OBSL1: variants seen among roughly 807,000 people sequenced by gnomAD.
OBSL1 encodes obscurin like cytoskeletal adaptor 1.
In OBSL1, 160 loss-of-function variants were observed where a neutral mutation model predicts 172.0. The ratio of observed to expected loss-of-function variants is 0.93; its 90% CI spans 0.82 to 1.06. The LOEUF is 1.06. Ranked by LOEUF, OBSL1 falls within the 50% of genes least tolerant of loss-of-function variation. The probability of loss-of-function intolerance (pLI) is 0.00; values close to 1 mark genes in which losing one functional copy is unlikely to be tolerated. For missense variants in OBSL1, 2,681 were observed against 2,715.4 expected (o/e 0.99, Z 0.28); for synonymous variants, 1,200 against 1,196.3 (o/e 1.00, Z -0.06).
chr2:219,554,227 G>A, intron 15 of OBSL1: 1 of 576,332 alleles, frequency 1.7e-6, no homozygotes, highest in South Asian at 2.1e-5. Flanking sequence ...GCAAAGGCAT[G>A]CTCTTGGTAG....
intron 13 of OBSL1, 62 bp from the exon 14 acceptor site, chr2:219,556,354 C>A: frequency 6.4e-7 from 1 of 1,572,618 alleles, no homozygotes; most frequent in Non-Finnish European, 8.6e-7. Context: ...CTTGCTCCAT[C>A]CCACTGGTCT....
rs1003996859 is a variant in OBSL1 at position 219,557,617 on chromosome 2, C to A, written c.3792G>T (p.Glu1264Asp). The A allele has an allele frequency of 3.9e-6, 6 of 1,535,576 alleles. No individual in the cohort carries two copies. In the African/African-American group the frequency reaches 6.8e-5, roughly 18 times the overall value. Reference protein sequence around the residue: ...PSLSFTVQVAEPPVRVVAPEA... With the variant: ...PSLSFTVQVADPPVRVVAPEA... ...CGGGAGCTACCACCCGCACAGGGGG[C>A]TCTGTGGAGTCAGAGCTGGAGGTCA... The change falls in exon 12 of 21, where the codon GAG (glutamate) becomes GAT (aspartate). Residue 1264 changes from glutamate to aspartate, a missense_variant and splice_region_variant. By Grantham distance (45) the Glu-to-Asp change is conservative (BLOSUM62 2). Around this residue, in one of 5 missense-constraint regions of OBSL1, gnomAD observed 1,765 missense variants for 1,748.3 expected, o/e 1.01. Coordinates refer to ENST00000404537, the MANE Select transcript of OBSL1 (RefSeq NM_015311.3).
intron 18 of OBSL1, 95 bp from the exon 19 acceptor site, chr2:219,552,311 A>G: frequency 8.3e-7 from 1 of 1,206,592 alleles, no homozygotes; most frequent in Non-Finnish European, 1.2e-6. Flanking sequence ...GTCGGTTCGG[A>G]CGCCGTTAGT....
Position 219,567,727 on chromosome 2 carries a change from T to C in OBSL1, c.1525A>G (p.Arg509Gly). ...LGNSRTTTLL[R>G]VKCVKHSPPG... ...GCCTTCCTGCCCTCACATTTTACTC[T>C]GAGAAGCGTAGTGGTACGGGAGTTG... Residue 509 changes from arginine (R) to glycine (G), a missense_variant, in exon 3 of 21, where the codon AGA (arginine) becomes GGA (glycine). By Grantham distance (125) the Arg-to-Gly change is moderately radical (BLOSUM62 -2). Coordinates refer to ENST00000404537, the MANE Select transcript of OBSL1 (RefSeq NM_015311.3). The C allele has an allele frequency of 6.2e-7, 1 of 1,607,668 alleles. No individual in the cohort carries two copies. The highest frequency in any genetic ancestry group is 8.5e-7 in the Non-Finnish European group (1 of 1,174,656).
chr2:219,564,435 C>G, intron 6 of OBSL1, among the ~76,000 whole-genome samples: 1 of 152,210 alleles, frequency 6.6e-6, no homozygotes, highest in South Asian at 2.1e-4. Context: ...ATTTCTTTGC[C>G]TGTGAACTGG....
rs922859601 is a variant in OBSL1, at chr2:219,554,461, C to G, written c.4876+13G>C. The G allele has an allele frequency of 3.7e-6, 6 of 1,611,770 alleles. No homozygotes were observed. The African/African-American group carries it at 5.3e-5, about 14-fold the overall frequency. ...ACAGGTCAGCAGGCAGGCTGTGGTCCTGGAGGCCACACCTCTCACAATGAG... is the reference window on the plus strand; with the variant it reads ...ACAGGTCAGCAGGCAGGCTGTGGTCGTGGAGGCCACACCTCTCACAATGAG... On this transcript the variant is annotated intron_variant, in intron 15 of 20. Transcript: ENST00000404537.
rs1320092156 is a variant in OBSL1 at position 219,558,330 on chromosome 2, A to G, written c.3356T>C (p.Leu1119Pro). Reference protein sequence around the residue: ...GSQVRWYKDGLEVEASDALQL... With the variant: ...GSQVRWYKDGPEVEASDALQL... ...CAGGGCATCTGATGCCTCCACTTCC[A>G]GCCCGTCCTTGTACCAGCGCACCTG... The change falls in exon 10 of 21, where the codon CTG (leucine) becomes CCG (proline). Residue 1119 changes from leucine to proline, a missense_variant. This residue lies in a region of OBSL1 where 1,765 missense variants were observed against 1,748.3 expected (regional missense o/e 1.01). Transcript: ENST00000404537. The G allele has an allele frequency of 6.2e-7, 1 of 1,612,876 alleles. No homozygotes were observed. Among genetic ancestry groups the G allele is most frequent in the Non-Finnish European group, 8.5e-7 (1 of 1,179,628 alleles).
At chr2:219,566,809 C>G (rs1456104307) in intron 5 of OBSL1, 21 bp downstream of exon 5, 2 of 1,548,060 alleles carry the variant, frequency 1.3e-6, no homozygotes. Flanking sequence ...TCTGCCCACT[C>G]AGGTCCCCAC....
Position 219,566,846 on chromosome 2 carries a change from A to C in OBSL1, c.2118T>G (p.Ala706=), listed in dbSNP as rs899526296. The C allele has an allele frequency of 1.3e-6, 2 of 1,585,492 alleles. No individual in the cohort carries two copies. The highest frequency in any genetic ancestry group is 1.7e-6 in the Non-Finnish European group (2 of 1,159,030). Residue 706 remains alanine (A), a synonymous_variant, in exon 5 of 21, where the codon GCT becomes GCG. Transcript: ENST00000404537. ...GFSCPGVQDS[A]ALTIQESPVH... ...GGCACCAACCTTGGATTGTGAGGGC[A>C]GCTGAGTCCTGCACGCCGGGGCAGC...
rs1474553457 is a variant in OBSL1, at chr2:219,550,854, T to C, written c.5684-12A>G. On this transcript the variant is annotated splice_polypyrimidine_tract_variant and intron_variant, in intron 20 of 20. Transcript: ENST00000404537. ...GTTCTCCTAGTTGCCTGCAGAGGAA[T>C]GACTCCACATGGGGCTGGGGAGAGA... The C allele has an allele frequency of 6.2e-7, 1 of 1,601,370 alleles. No individual in the cohort carries two copies. Among genetic ancestry groups the C allele is most frequent in the East Asian group, 2.2e-5 (1 of 44,512 alleles).
In OBSL1 at chr2:219,570,730, A is replaced by G; in HGVS notation, c.503T>C (p.Leu168Pro). Reference sequence around the variant, plus strand: ...GTGGCTGCTGTCCCACACTTCGTCCAGGGCCATCCCGTCCTTCTCCCAGTA... The same window carrying G: ...GTGGCTGCTGTCCCACACTTCGTCCGGGGCCATCCCGTCCTTCTCCCAGTA... ...TLYWEKDGMA[L>P]DEVWDSSHFA... is the part of the protein sequence containing the mutation. Residue 168 changes from leucine to proline, a missense_variant, in exon 1 of 21, where the codon CTG becomes CCG. By Grantham distance (98) the Leu-to-Pro change is moderately conservative. Around this residue, in one of 5 missense-constraint regions of OBSL1, gnomAD observed 706 missense variants for 695.8 expected, o/e 1.01. Transcript: ENST00000404537. 1 of 1,510,328 alleles carries G rather than the reference A, an allele frequency of 6.6e-7. No individual in the cohort carries two copies. The highest frequency in any genetic ancestry group is 8.8e-7 in the Non-Finnish European group (1 of 1,136,338). The allele number at this position is 1,510,328 out of a possible 1,614,324, so 93.6% of individuals were successfully genotyped here.
chr2:219,549,952 C>T (rs994345861), downstream of OBSL1: 10 of 1,503,980 alleles, frequency 6.6e-6, no homozygotes, highest in African/African-American at 1.4e-4. Context: ...CTGTCCCTCT[C>T]CCCAGCCTGG....
intron 6 of OBSL1, among the ~76,000 whole-genome samples, chr2:219,564,307 G>A (rs924599193): frequency 3.3e-5 from 5 of 152,210 alleles, no homozygotes; most frequent in East Asian, 1.9e-4. Context: ...TGAGAACCAC[G>A]GGGTGACTGC....
chr2:219,559,729 C>A (rs1399886391), intron 8 of OBSL1: 9 of 516,794 alleles, frequency 1.7e-5, no homozygotes, highest in Non-Finnish European at 3.1e-5. Context: ...CTATCACATA[C>A]CTTCCTCAGC....
At position 219,567,141 on chromosome 2, in the gene OBSL1, G is replaced by C; in HGVS notation, c.1838-15C>G. The stretch of plus-strand genomic sequence containing the variant: ...AGCTGTGGGCACTGAGGCAGGGACA[G>C]AGTGCAGCTGTCAGAACTAGAAGGT... On this transcript the variant is annotated splice_polypyrimidine_tract_variant and intron_variant, in intron 4 of 20. Transcript: ENST00000404537. 6.2e-7 allele frequency: 1 copy of C among 1,609,738 alleles called. No homozygotes were observed. The highest frequency in any genetic ancestry group is 1.1e-5 in the South Asian group (1 of 90,750).
At position 219,570,951 on chromosome 2, in the gene OBSL1, G is replaced by T; in HGVS notation, c.282C>A (p.Tyr94Ter). Residue 94 changes from tyrosine to a stop codon, truncating the protein, a stop_gained, in exon 1 of 21, where the codon TAC (tyrosine) becomes TAA (stop). Coordinates refer to ENST00000404537, the MANE Select transcript of OBSL1 (RefSeq NM_015311.3). LOFTEE classifies it high-confidence loss of function. ...CRARNAAGEAYAAAAVTVLEP... is the reference protein window; with the variant it reads ...CRARNAAGEA ...CCAGCACGGTGACGGCGGCCGCCGC[G>T]TAGGCCTCGCCGGCCGCGTTGCGGG... 1 of 1,277,184 alleles carries T rather than the reference G, an allele frequency of 7.8e-7. No individual in the cohort carries two copies. Among genetic ancestry groups the T allele is most frequent in the Non-Finnish European group, 9.8e-7 (1 of 1,019,958 alleles). The allele number at this position is 1,277,184 out of a possible 1,614,324, so 79.1% of individuals were successfully genotyped here.
Position 219,563,464 on chromosome 2 carries a change from A to C in OBSL1, c.2571T>G (p.Asn857Lys). 1 of 1,613,724 alleles carries C rather than the reference A, an allele frequency of 6.2e-7. No homozygotes were observed. Among genetic ancestry groups the C allele is most frequent in the African/African-American group, 1.3e-5 (1 of 75,012 alleles). Residue 857 changes from asparagine (N) to lysine (K), a missense_variant, in exon 7 of 21, where the codon AAT (asparagine) becomes AAG (lysine). Asn to Lys is a moderately conservative substitution (Grantham distance 94). Around this residue, in one of 5 missense-constraint regions of OBSL1, gnomAD observed 1,765 missense variants for 1,748.3 expected, o/e 1.01. Coordinates refer to ENST00000404537, the MANE Select transcript of OBSL1 (RefSeq NM_015311.3). ...GCACCAGGCGGCGATGGGGCCCCTC[A>C]TTCTCCAGCACCACGAAGTCACTCT... ...VEESDFVVLE[N>K]EGPHRRLVLP...
chr2:219,564,846 C>T (rs561348122), intron 6 of OBSL1, among the ~76,000 whole-genome samples: 3 of 152,286 alleles, frequency 2.0e-5, no homozygotes, highest in Admixed American at 6.5e-5. Flanking sequence ...AAGGCTGAGG[C>T]GGGCAGATCA....
At chr2:219,551,930 C>A (rs1372444713) in intron 19 of OBSL1, 132 bp from the exon 20 acceptor site, 2 of 867,084 alleles carry the variant, frequency 2.3e-6, no homozygotes, top group Non-Finnish European at 3.6e-6. Context: ...TCCCTTGCAC[C>A]TCAGACCCAA....
Sources: gnomAD v4.1 joint callset for allele counts (sites outside exome capture counted in the v4.1 genomes callset) on GRCh38, gnomAD v4.1.1 for gene constraint, gnomAD v4.1.1 regional missense constraint, MANE v1.5 for transcripts, NCBI Gene and HGNC (gene_info 2026-07-23, HGNC 2026-07-21) for gene names.